The following ARMCX4 variants were observed in gnomAD, a reference collection of about 807,000 sequenced individuals.
The protein encoded by ARMCX4 is armadillo repeat-containing X-linked protein 4.
Under a neutral mutation model 34.7 loss-of-function variants are expected in ARMCX4, and 3 were observed. That is an observed-to-expected ratio of 0.09 (90% CI 0.04 to 0.22). The LOEUF (loss-of-function observed/expected upper bound fraction) is 0.22, where lower values mean the gene tolerates loss of function less well. Ranked by LOEUF, ARMCX4 falls within the 10% of genes least tolerant of loss-of-function variation. ARMCX4 has a pLI of 1.00. For missense variants in ARMCX4, 1,448 were observed against 1,720.8 expected (o/e 0.84, Z 2.81); for synonymous variants, 513 against 632.8 (o/e 0.81, Z 2.84).
chrX:101,501,220 A>G (rs142764963), intron 7 of ARMCX4, among the ~76,000 whole-genome samples: 98 of 112,725 alleles, frequency 8.7e-4, no homozygotes, highest in African/African-American at 2.9e-3. Flanking sequence ...GAGGAGAACT[A>G]TAGCAGAACA....
intron 2 of ARMCX4, among the ~76,000 whole-genome samples, chrX:101,423,005 G>C (rs1360847494): frequency 4.2e-4 from 46 of 110,481 alleles, no homozygotes; most frequent in African/African-American, 1.4e-3. Context: ...TACCTCCTGG[G>C]CTCAAGCGAT....
intron 4 of ARMCX4, among the ~76,000 whole-genome samples, chrX:101,465,138 C>G (rs1489245233): frequency 1.8e-5 from 2 of 111,068 alleles, no homozygotes; most frequent in African/African-American, 6.5e-5. Flanking sequence ...ACAGGAAGAA[C>G]AAATACAAAG....
At position 101,420,896 on chromosome X, in the gene ARMCX4, T is replaced by A. The variant is rs782215810; in HGVS notation, n.164+1896T>A. 3.5e-4 allele frequency among the ~76,000 whole-genome samples: 39 copies of A among 112,300 alleles called. 1 individual carries two copies. In the Admixed American group the frequency reaches 3.6e-3, roughly 10 times the overall value. On this transcript the variant is annotated intron_variant and non_coding_transcript_variant, in intron 2 of 3. Coordinates refer to the ARMCX4 transcript ENST00000430461. ...ATGGGGAGAACGAATCAGATTTGTC[T>A]TTGAAAATATTGCCCTGGGGGCCAG...
intron 2 of ARMCX4, among the ~76,000 whole-genome samples, chrX:101,430,230 C>T (rs1555991716): frequency 8.9e-6 from 1 of 112,364 alleles, no homozygotes; most frequent in African/African-American, 3.2e-5. Context: ...ATTTATTTCT[C>T]TCCTTACTGA....
At position 101,432,867 on chromosome X, in the gene ARMCX4, T is replaced by C. The variant is rs868919612; in HGVS notation, n.165-11185T>C. Among the ~76,000 whole-genome samples, 12 of 92,252 alleles carry C rather than the reference T, an allele frequency of 1.3e-4. No homozygotes were observed. The Middle Eastern group carries it at 0.03, about 233-fold the overall frequency. 80.1% of individuals were successfully genotyped at this position (92,252 alleles called of 115,157 possible). A position where few individuals can be genotyped will look rare whatever the true frequency, so the allele number is the denominator to read the frequency against. ...ACATATGTGTATATATACACGTATA[T>C]ATACACATATGTATACGTGTGTATA... On this transcript the variant is annotated intron_variant and non_coding_transcript_variant, in intron 2 of 3. Transcript: ENST00000430461.
chrX:101,473,235 A>T (rs1402030279), intron 4 of ARMCX4, among the ~76,000 whole-genome samples: 11 of 111,037 alleles, frequency 9.9e-5, no homozygotes, highest in Admixed American at 9.6e-4. Context: ...TGGTAAAGGG[A>T]TCAATTCAAC....
intron 11 of ARMCX4, among the ~76,000 whole-genome samples, chrX:101,514,084 T>C (rs782424178): frequency 9.0e-6 from 1 of 111,616 alleles, no homozygotes; most frequent in Non-Finnish European, 1.9e-5. Context: ...TGTTTATTCA[T>C]AGGCATGAGA....
chrX:101,476,470 C>T (rs1433063336), intron 4 of ARMCX4, among the ~76,000 whole-genome samples: 3 of 110,866 alleles, frequency 2.7e-5, no homozygotes, highest in African/African-American at 9.8e-5. Flanking sequence ...GCCATAGAAG[C>T]TGCAGGGATA....
At chrX:101,485,160 C>T (rs1011465327), upstream of ARMCX4, 1 of 111,443 alleles carries the variant, frequency 9.0e-6, no homozygotes, top group Non-Finnish European at 1.9e-5. Flanking sequence ...TGCAGACCCT[C>T]CCCTGTAACT....
chrX:101,493,326 G>A lies in ARMCX4; in HGVS notation c.4737G>A (p.Gln1579=), dbSNP rs1041030727. Reference sequence around the variant, plus strand: ...GTTCCAAACCTGGATTTGAGGATCAGGCCATTGGAGGGGGGTTCTGGCCTG... The same window carrying A: ...GTTCCAAACCTGGATTTGAGGATCAAGCCATTGGAGGGGGGTTCTGGCCTG... ...GGCSKPGFED[Q]AIGGGFWPGA... The change falls in exon 6 of 6, where the codon CAG becomes CAA. Residue 1579 remains glutamine, a synonymous_variant. Transcript: ENST00000423738. The A allele has an allele frequency of 2.6e-6, 3 of 1,155,602 alleles. No individual in the cohort carries two copies. The highest frequency in any genetic ancestry group is 5.2e-5 in the Admixed American group (2 of 38,780).
At position 101,493,957 on chromosome X, in the gene ARMCX4, A is replaced by G; in HGVS notation, c.5368A>G (p.Ser1790Gly). 2 of 915,880 alleles carry G rather than the reference A, an allele frequency of 2.2e-6. No individual in the cohort carries two copies. The highest frequency in any genetic ancestry group is 2.7e-6 in the Non-Finnish European group (2 of 731,969). 75.5% of individuals were successfully genotyped at this position (915,880 alleles called of 1,213,427 possible). ...CSRIEAENKA[S>G]SGSWIRSEEV... ...TAGGATTGAGGCTGAGAACAAGGCT[A>G]GTAGTGGCTCCTGGATTAGATCTGA... Residue 1790 changes from serine (S) to glycine (G), a missense_variant, in exon 6 of 6, where the codon AGT becomes GGT. Transcript: ENST00000423738.
intron 11 of ARMCX4, among the ~76,000 whole-genome samples, chrX:101,513,922 A>G (rs1934653171): frequency 9.1e-6 from 1 of 109,623 alleles, no homozygotes; most frequent in South Asian, 3.8e-4. Flanking sequence ...ATTAGTACTA[A>G]GGGATACTAG....
chrX:101,483,944 T>C (rs1933581967), upstream of ARMCX4, among the ~76,000 whole-genome samples: 1 of 111,494 alleles, frequency 9.0e-6, no homozygotes, highest in Non-Finnish European at 1.9e-5. Context: ...GGAGGGTCTA[T>C]ATTTGGAGTA....
At chrX:101,446,596 T>A (rs1555998097), downstream of ARMCX4, among the ~76,000 whole-genome samples, 2 of 111,398 alleles carry the variant, frequency 1.8e-5, no homozygotes, top group East Asian at 5.6e-4. Flanking sequence ...TTTCTGAGTG[T>A]CAGGAATCTA....
At position 101,495,016 on chromosome X, in the gene ARMCX4, G is replaced by A. The variant is rs1556011464; in HGVS notation, c.6427G>A (p.Ala2143Thr). 3.5e-6 allele frequency: 4 copies of A among 1,154,661 alleles called. No homozygotes were observed. The highest frequency in any genetic ancestry group is 2.6e-5 in the Admixed American group (1 of 38,756). The change falls in exon 6 of 6, where the codon GCT (alanine) becomes ACT (threonine). Residue 2143 changes from alanine to threonine, a missense_variant. Ala to Thr is a moderately conservative substitution (Grantham distance 58). Coordinates refer to ENST00000423738, the MANE Select transcript of ARMCX4 (RefSeq NM_001256155.3). ...TCCCTTGAATTCAAATGTGCAGTTG[G>A]CTGGACTAAGGTTGATAAGGCATCT... ...TYPLNSNVQL[A>T]GLRLIRHLTI...
At chrX:101,535,425 C>G (rs2147733085), downstream of ARMCX4, among the ~76,000 whole-genome samples, 1 of 111,637 alleles carries the variant, frequency 9.0e-6, no homozygotes, top group African/African-American at 3.2e-5. Context: ...AAAAGCAAGG[C>G]CATAACATAT....
intron 11 of ARMCX4, among the ~76,000 whole-genome samples, chrX:101,522,904 A>G (rs965988747): frequency 8.9e-6 from 1 of 112,470 alleles, no homozygotes; most frequent in Admixed American, 9.4e-5. Flanking sequence ...TTATAACAAA[A>G]TTCATTTATA....
At chrX:101,432,998 A>ACGTGTG (rs1277665191) in intron 2 of ARMCX4, among the ~76,000 whole-genome samples, 1 of 97,809 alleles carries the variant, frequency 1.0e-5, no homozygotes, top group Non-Finnish European at 2.1e-5. Flanking sequence ...ATGTATACAT[A>ACGTGTG]TATGTGTATA....
At chrX:101,423,101 TGTTTCACCATGTTGGCCAG>T (rs1313645048) in intron 2 of ARMCX4, among the ~76,000 whole-genome samples, 6 of 106,868 alleles carry the variant, frequency 5.6e-5, no homozygotes, top group Admixed American at 1.0e-4. Flanking sequence ...CTAGAGACAA[TGTTTCACCATGTTGGCCAG>T]GCTGGTCTTG....
Sources: gnomAD v4.1 joint callset for allele counts (sites outside exome capture counted in the v4.1 genomes callset) on GRCh38, gnomAD v4.1.1 for gene constraint, MANE v1.5 for transcripts, NCBI Gene and HGNC (gene_info 2026-07-23, HGNC 2026-07-21) for gene names.